The following DSCAML1 variants were observed in gnomAD, a reference collection of about 807,000 sequenced individuals.
DSCAML1 encodes the protein cell adhesion molecule DSCAML1.
Under a neutral mutation model 200.5 loss-of-function variants are expected in DSCAML1, and 38 were observed. The observed-to-expected ratio is 0.19, with a 90% CI of 0.15 to 0.25. DSCAML1 has a LOEUF of 0.25. Among genes scored for constraint, DSCAML1 ranks in the 10% least tolerant of loss-of-function variants. The pLI, the probability that DSCAML1 is intolerant of heterozygous loss-of-function variation, is 1.00. For missense variants in DSCAML1, 2,223 were observed against 2,858.8 expected (o/e 0.78, Z 5.07); for synonymous variants, 1,215 against 1,165.0 (o/e 1.04, Z -0.87).
At chr11:117,796,538 A>C (rs2055579520) in intron 1 of DSCAML1, among the ~76,000 whole-genome samples, 1 of 152,236 alleles carries the variant, frequency 6.6e-6, no homozygotes, top group South Asian at 2.1e-4. Flanking sequence ...GCGGTGCGCC[A>C]ACATTCGCGC....
Position 117,521,118 on chromosome 11 carries a change from G to A in DSCAML1, c.1213+12C>T, listed in dbSNP as rs775715953. ...CTGAACCCGCCCCCTGTGTCCTGGC[G>A]CCCCAGCTCACCCTCAAGTGCAATG... On this transcript the variant is annotated intron_variant, in intron 6 of 32. Coordinates refer to ENST00000651296, the MANE Select transcript of DSCAML1 (RefSeq NM_020693.4). 24 of 1,607,300 alleles carry A rather than the reference G, an allele frequency of 1.5e-5. No homozygotes were observed. The highest frequency in any genetic ancestry group is 2.2e-5 in the East Asian group (1 of 44,714).
At chr11:117,798,154 C>T (rs576666786), upstream of DSCAML1, among the ~76,000 whole-genome samples, 1 of 149,960 alleles carries the variant, frequency 6.7e-6, no homozygotes, top group Non-Finnish European at 1.5e-5. Flanking sequence ...ATCCAGGTAT[C>T]CCTGAGAATG....
At chr11:117,686,585 C>G (rs2053403927) in intron 3 of DSCAML1, among the ~76,000 whole-genome samples, 1 of 152,258 alleles carries the variant, frequency 6.6e-6, no homozygotes. Context: ...GCAAAGTTCT[C>G]TTGGCCTGCT....
At chr11:117,671,269 C>T (rs145622506) in intron 3 of DSCAML1, among the ~76,000 whole-genome samples, 1 of 152,346 alleles carries the variant, frequency 6.6e-6, no homozygotes, top group African/African-American at 2.4e-5. Context: ...CCCAAACCCT[C>T]GCTTCATAGA....
At chr11:117,448,249 G>A (rs1258152410) in intron 20 of DSCAML1, among the ~76,000 whole-genome samples, 1 of 152,208 alleles carries the variant, frequency 6.6e-6, no homozygotes, top group Admixed American at 6.5e-5. Context: ...GACTGCAAAA[G>A]TCCAGGCTAG....
At position 117,516,588 on chromosome 11, in the gene DSCAML1, A is replaced by G. The variant is rs1208412950; in HGVS notation, c.1662T>C (p.Phe554=). 6.2e-7 allele frequency: 1 copy of G among 1,614,046 alleles called. No individual in the cohort carries two copies. Residue 554 remains phenylalanine, a synonymous_variant, in exon 8 of 33, where the codon TTT becomes TTC. Transcript: ENST00000651296. This position sits in a 1 kb window ranked among gnomAD's most constrained non-coding sequence, Gnocchi z 5.7. The part of the protein sequence containing the change: ...LLPDNHRQVV[F]ENGTLKLTDV... ...CAGTCAGCTTGAGGGTCCCATTCTC[A>G]AACACCACCTGGCGGTGGTTGTCTG...
intron 17 of DSCAML1, among the ~76,000 whole-genome samples, chr11:117,464,311 C>T (rs1253746379): frequency 6.6e-6 from 1 of 152,136 alleles, no homozygotes; most frequent in East Asian, 1.9e-4. Flanking sequence ...TTTTTCTCAA[C>T]CTGGTGCGGG....
chr11:117,701,511 A>C (rs1006363667), intron 3 of DSCAML1, among the ~76,000 whole-genome samples: 1 of 152,188 alleles, frequency 6.6e-6, no homozygotes, highest in African/African-American at 2.4e-5. Context: ...ATGCATCTGG[A>C]GGTACACAGG....
intron 3 of DSCAML1, among the ~76,000 whole-genome samples, chr11:117,549,098 C>A (rs1236786868): frequency 9.9e-5 from 15 of 152,146 alleles, no homozygotes; most frequent in Admixed American, 9.8e-4. Flanking sequence ...GGAGACCATC[C>A]CTCTGTCCTT....
intron 3 of DSCAML1, among the ~76,000 whole-genome samples, chr11:117,599,094 C>T (rs529043018): frequency 1.2e-3 from 180 of 152,082 alleles, no homozygotes; most frequent in African/African-American, 4.0e-3. Context: ...TGAAACATTC[C>T]GTTGCAGCTT....
At chr11:117,570,794 C>G (rs2050836331) in intron 3 of DSCAML1, among the ~76,000 whole-genome samples, 1 of 152,232 alleles carries the variant, frequency 6.6e-6, no homozygotes, top group Non-Finnish European at 1.5e-5. Context: ...GGTCATGACC[C>G]TTCACAGGGG....
intron 3 of DSCAML1, among the ~76,000 whole-genome samples, chr11:117,602,952 C>A (rs1436684428): frequency 3.3e-5 from 5 of 152,184 alleles, no homozygotes; most frequent in Admixed American, 2.6e-4. Flanking sequence ...AAAGTACAAC[C>A]AGGTGTGGTG....
chr11:117,547,890 C>T (rs956713964), intron 3 of DSCAML1, among the ~76,000 whole-genome samples: 3 of 152,232 alleles, frequency 2.0e-5, no homozygotes, highest in Non-Finnish European at 4.4e-5. Flanking sequence ...CCTCCGCTCC[C>T]AAGCCTTGCT....
At chr11:117,558,131 C>T (rs1394731462) in intron 3 of DSCAML1, among the ~76,000 whole-genome samples, 2 of 152,074 alleles carry the variant, frequency 1.3e-5, no homozygotes, top group Admixed American at 1.3e-4. Flanking sequence ...TAGCCAGTGT[C>T]TCCCAGGCAC....
chr11:117,486,370 TGATGTGAAAATGGCG>T (rs2049060284), intron 11 of DSCAML1, among the ~76,000 whole-genome samples: 2 of 139,028 alleles, frequency 1.4e-5, no homozygotes, highest in Admixed American at 7.0e-5. Flanking sequence ...TGAAAGTGGC[TGATGTGAAAATGGCG>T]GATGTGAAAG....
intron 3 of DSCAML1, among the ~76,000 whole-genome samples, chr11:117,588,103 T>A (rs1205964439): frequency 1.3e-5 from 2 of 152,186 alleles, no homozygotes; most frequent in East Asian, 3.9e-4. Context: ...CCTCTGACAA[T>A]TCCCTGGGTT....
chr11:117,482,794 C>T (rs1042278095), intron 11 of DSCAML1, among the ~76,000 whole-genome samples: 23 of 152,188 alleles, frequency 1.5e-4, no homozygotes, highest in Non-Finnish European at 4.4e-5. Context: ...TTCCCTCCTC[C>T]CACATTCATG....
chr11:117,501,700 A>T (rs1030717586), intron 11 of DSCAML1, among the ~76,000 whole-genome samples: 1 of 152,030 alleles, frequency 6.6e-6, no homozygotes, highest in Non-Finnish European at 1.5e-5. Flanking sequence ...AGCCCATCTG[A>T]GAGCCACGCA....
Position 117,480,556 on chromosome 11 carries a change from G to A in DSCAML1, c.2672C>T (p.Pro891Leu). The A allele has an allele frequency of 6.4e-7, 1 of 1,563,616 alleles. No individual in the cohort carries two copies. The highest frequency in any genetic ancestry group is 8.7e-7 in the Non-Finnish European group (1 of 1,153,334). The change falls in exon 14 of 33, where the codon CCA (proline) becomes CTA (leucine). Residue 891 changes from proline (P) to leucine (L), a missense_variant. Physicochemically the swap from Pro to Leu is moderately conservative, Grantham distance 98 (BLOSUM62 -3). Transcript: ENST00000651296. The surrounding 1 kb of genome is among the most constrained non-coding windows in gnomAD (Gnocchi z 4.1). Reference protein sequence around the residue: ...QLTVQEPPDPPELEIREVKAR... With the variant: ...QLTVQEPPDPLELEIREVKAR... ...CTTCACCTCCCGGATCTCCAGCTCT[G>A]GGGGGTCGGGGGGCTCTAGGGTGCG...
Sources: gnomAD v4.1 joint callset for allele counts (sites outside exome capture counted in the v4.1 genomes callset) on GRCh38, gnomAD v4.1.1 for gene constraint, Gnocchi (gnomAD v3.1) non-coding constraint, MANE v1.5 for transcripts, NCBI Gene and HGNC (gene_info 2026-07-23, HGNC 2026-07-21) for gene names.